PKNOX2: variants seen among roughly 807,000 people sequenced by gnomAD.
PKNOX2 encodes homeobox protein PKNOX2.
A neutral mutation model predicts 53.1 loss-of-function variants in PKNOX2; 14 were observed. The observed-to-expected ratio is 0.26, with a 90% CI of 0.17 to 0.41. The LOEUF is 0.41. Among genes scored for constraint, PKNOX2 ranks in the 10% least tolerant of loss-of-function variants. PKNOX2 has a pLI of 1.00. For synonymous variants in PKNOX2, 257 were observed against 242.8 expected (o/e 1.06, Z -0.54); for missense variants, 496 against 602.8 (o/e 0.82, Z 1.85).
intron 2 of PKNOX2, among the ~76,000 whole-genome samples, chr11:125,247,123 C>T (rs1021257086): frequency 1.3e-5 from 2 of 152,200 alleles, no homozygotes; most frequent in African/African-American, 4.8e-5. Context: ...CAGGCCCCAA[C>T]AGTTTCTGCT....
intron 10 of PKNOX2, among the ~76,000 whole-genome samples, chr11:125,412,163 T>C (rs889246525): frequency 9.9e-5 from 15 of 152,214 alleles, no homozygotes; most frequent in Admixed American, 9.2e-4. Flanking sequence ...TGTGTCACAC[T>C]GTTTCATGAA....
chr11:125,414,833 T>C (rs1018341843), intron 10 of PKNOX2, among the ~76,000 whole-genome samples: 1 of 152,102 alleles, frequency 6.6e-6, no homozygotes, highest in African/African-American at 2.4e-5. Context: ...GCCTAGCACA[T>C]AGCACTTAAG....
In PKNOX2 at chr11:125,397,862, C is replaced by T. The variant is rs918675610; in HGVS notation, c.400-12C>T. On this transcript the variant is annotated splice_polypyrimidine_tract_variant and intron_variant, in intron 6 of 12. Coordinates refer to ENST00000298282, the MANE Select transcript of PKNOX2 (RefSeq NM_001382323.2). ...GCAAACACCTGGGCTCACCTCTCCT[C>T]CCTCTCCACAGATGGTGAAGGCAAT... The T allele has an allele frequency of 1.2e-6, 2 of 1,602,076 alleles. No individual in the cohort carries two copies. The highest frequency in any genetic ancestry group is 1.7e-5 in the Admixed American group (1 of 59,420).
intron 10 of PKNOX2, among the ~76,000 whole-genome samples, chr11:125,412,639 G>C (rs1321227039): frequency 6.6e-6 from 1 of 152,092 alleles, no homozygotes. Flanking sequence ...TGTATGCGCT[G>C]GTGTGTGTGT....
chr11:125,411,636 T>G, intron 9 of PKNOX2, 110 bp from the exon 10 acceptor site: 1 of 1,574,900 alleles, frequency 6.3e-7, no homozygotes, highest in Non-Finnish European at 8.7e-7. Context: ...GCCCTAGGAA[T>G]GAGCCGGGAA....
chr11:125,179,372 C>A (rs934238163), intron 1 of PKNOX2, among the ~76,000 whole-genome samples: 3 of 152,110 alleles, frequency 2.0e-5, no homozygotes, highest in African/African-American at 7.2e-5. Context: ...CATTCTTCAA[C>A]AGGAAGATTT....
chr11:125,204,603 T>A (rs1938851550), intron 1 of PKNOX2, among the ~76,000 whole-genome samples: 1 of 152,220 alleles, frequency 6.6e-6, no homozygotes, highest in South Asian at 2.1e-4. Context: ...GGGAAGTCGA[T>A]GGCTCTAATT....
chr11:125,172,020 C>T (rs934942459), intron 1 of PKNOX2, among the ~76,000 whole-genome samples: 3 of 152,190 alleles, frequency 2.0e-5, no homozygotes, highest in Non-Finnish European at 4.4e-5. Context: ...ACAGGGCAGA[C>T]TTCTGGGAGG....
intron 2 of PKNOX2, among the ~76,000 whole-genome samples, chr11:125,279,463 G>A (rs904586995): frequency 2.6e-5 from 4 of 152,206 alleles, no homozygotes; most frequent in Admixed American, 6.5e-5. Context: ...GGAAAATGAG[G>A]CTATGGCAGC....
At chr11:125,366,785 T>C (rs1015452486) in intron 4 of PKNOX2, among the ~76,000 whole-genome samples, 1 of 152,244 alleles carries the variant, frequency 6.6e-6, no homozygotes, top group Non-Finnish European at 1.5e-5. Flanking sequence ...TGATGAACTT[T>C]GCAACTATAA....
intron 6 of PKNOX2, among the ~76,000 whole-genome samples, chr11:125,393,968 G>A (rs1280961291): frequency 6.6e-6 from 1 of 151,878 alleles, no homozygotes; most frequent in African/African-American, 2.4e-5. Context: ...CACCAGTTGT[G>A]TGACTCTAAG....
chr11:125,338,697 G>A (rs991976203), intron 3 of PKNOX2, among the ~76,000 whole-genome samples: 14 of 152,180 alleles, frequency 9.2e-5, no homozygotes, highest in South Asian at 8.3e-4. Flanking sequence ...ATTAGTAACC[G>A]TTCTAAGCAT....
chr11:125,286,610 G>A (rs1250403721), intron 2 of PKNOX2, among the ~76,000 whole-genome samples: 2 of 152,218 alleles, frequency 1.3e-5, no homozygotes, highest in Non-Finnish European at 2.9e-5. Flanking sequence ...CCTCCCCACT[G>A]CCAGGCCTGG....
At chr11:125,306,663 T>A (rs975683696) in intron 2 of PKNOX2, among the ~76,000 whole-genome samples, 4 of 152,282 alleles carry the variant, frequency 2.6e-5, no homozygotes, top group East Asian at 3.9e-4. Flanking sequence ...TATGGAGGAA[T>A]AAATGACTTG....
In PKNOX2 at chr11:125,319,873, G is replaced by C. The variant is rs559201842; in HGVS notation, c.-129-11946G>C. Among the ~76,000 whole-genome samples, 13 of 152,288 alleles carry C rather than the reference G, an allele frequency of 8.5e-5. No individual in the cohort carries two copies. In the South Asian group the frequency reaches 2.7e-3, roughly 32 times the overall value. ...GTTTGAGGGCACAAAGGCCTGGGTG[G>C]ATGGAGGCCAAACAGCAAGCTAGAT... On this transcript the variant is annotated intron_variant, in intron 2 of 12. Coordinates refer to ENST00000298282, the MANE Select transcript of PKNOX2 (RefSeq NM_001382323.2).
At chr11:125,366,234 G>A (rs1417124863) in intron 4 of PKNOX2, among the ~76,000 whole-genome samples, 1 of 152,164 alleles carries the variant, frequency 6.6e-6, no homozygotes, top group Non-Finnish European at 1.5e-5. Context: ...TAGGACTCAA[G>A]CAATTGTCTT....
At chr11:125,298,652 G>A (rs2135944833) in intron 2 of PKNOX2, among the ~76,000 whole-genome samples, 1 of 152,318 alleles carries the variant, frequency 6.6e-6, no homozygotes, top group East Asian at 1.9e-4. Flanking sequence ...CAGTACCAGG[G>A]ACCAGACAAA....
intron 2 of PKNOX2, among the ~76,000 whole-genome samples, chr11:125,246,850 G>A (rs1363043823): frequency 1.3e-5 from 2 of 152,120 alleles, no homozygotes; most frequent in Admixed American, 6.5e-5. Flanking sequence ...AGATGAGGAT[G>A]GGCAACCCCT....
chr11:125,356,050 C>A (rs1951595238), intron 4 of PKNOX2, among the ~76,000 whole-genome samples: 2 of 140,422 alleles, frequency 1.4e-5, no homozygotes, highest in Admixed American at 7.2e-5. Context: ...CACAACTTTT[C>A]CTCAAACACA....
Sources: allele counts gnomAD v4.1 joint callset (sites outside exome capture counted in the v4.1 genomes callset), GRCh38; gene constraint gnomAD v4.1.1; transcripts MANE v1.5; gene names NCBI Gene and HGNC (gene_info 2026-07-23, HGNC 2026-07-21).